Variants in ARMH3 observed in about 807,000 individuals in gnomAD.
ARMH3 encodes the protein armadillo-like helical domain-containing protein 3.
ARMH3 carries 60 observed loss-of-function variants against 99.1 expected under a neutral mutation model. The ratio of observed to expected loss-of-function variants is 0.61; its 90% CI spans 0.49 to 0.75. The LOEUF (loss-of-function observed/expected upper bound fraction) is 0.75. ARMH3 is among the 30% of genes least tolerant of loss of function. ARMH3 has a pLI of 0.00. For synonymous variants in ARMH3, 285 were observed against 292.8 expected, an observed-to-expected ratio of 0.97 and a Z score of 0.27; for missense variants, 679 against 843.1, an observed-to-expected ratio of 0.81 and a Z score of 2.41.
intron 20 of ARMH3, among the ~76,000 whole-genome samples, chr10:101,972,706 T>C (rs1845822412): frequency 6.6e-6 from 1 of 152,194 alleles, no homozygotes; most frequent in Non-Finnish European, 1.5e-5. Flanking sequence ...ATGTTCCACA[T>C]ATGAATACAC....
At chr10:101,964,434 T>C (rs1321136442) in intron 20 of ARMH3, among the ~76,000 whole-genome samples, 1 of 152,162 alleles carries the variant, frequency 6.6e-6, no homozygotes, top group African/African-American at 2.4e-5. Flanking sequence ...TACACCCATG[T>C]TTACAGCAGC....
At chr10:101,887,151 G>A (rs142372949) in intron 24 of ARMH3, among the ~76,000 whole-genome samples, 1 of 152,310 alleles carries the variant, frequency 6.6e-6, no homozygotes, top group Non-Finnish European at 1.5e-5. Flanking sequence ...CAAGTGTACT[G>A]TAATGCTGTC....
intron 24 of ARMH3, among the ~76,000 whole-genome samples, chr10:101,862,745 AAAAG>A (rs1009446881): frequency 4.6e-5 from 7 of 152,194 alleles, no homozygotes; most frequent in Non-Finnish European, 1.0e-4. Flanking sequence ...AGAGGGCAGA[AAAAG>A]AAAAAGAACA....
intron 24 of ARMH3, among the ~76,000 whole-genome samples, chr10:101,865,602 C>A (rs993617997): frequency 2.0e-5 from 3 of 152,092 alleles, no homozygotes; most frequent in Non-Finnish European, 4.4e-5. Flanking sequence ...GATTCTCCTG[C>A]CTCAGCCTCC....
chr10:101,983,172 G>A (rs1273551404), intron 19 of ARMH3, among the ~76,000 whole-genome samples: 2 of 152,210 alleles, frequency 1.3e-5, no homozygotes, highest in Admixed American at 1.3e-4. Context: ...TGGTCACCAG[G>A]GAGACCAAGG....
rs370067314 is a variant in ARMH3, at chr10:101,849,793, C to T, written c.1960G>A (p.Ala654Thr). The change falls in exon 25 of 26, where the codon GCC becomes ACC. Residue 654 changes from alanine (A) to threonine (T), a missense_variant. Ala to Thr is a moderately conservative substitution (Grantham distance 58). Coordinates refer to ENST00000370033, the MANE Select transcript of ARMH3 (RefSeq NM_024541.3). ...ERYSEQHKEA[A>T]FFKELVRSIS... The stretch of plus-strand genomic sequence containing the variant: ...GCACTCACCAGCTCTTTGAAGAAGG[C>T]AGCTTCCTTGTGCTGCTCTGAGTAG... 2.7e-5 allele frequency: 44 copies of T among 1,614,072 alleles called. 1 individual carries two copies. In the South Asian group the frequency reaches 3.7e-4, roughly 14 times the overall value.
At chr10:101,959,547 G>A (rs1845187041) in intron 20 of ARMH3, among the ~76,000 whole-genome samples, 1 of 152,230 alleles carries the variant, frequency 6.6e-6, no homozygotes, top group African/African-American at 2.4e-5. Context: ...CTCAGCAGTG[G>A]CTATGTGGTA....
intron 14 of ARMH3, among the ~76,000 whole-genome samples, chr10:102,005,464 T>C (rs2066461981): frequency 6.6e-6 from 1 of 150,660 alleles, no homozygotes; most frequent in Admixed American, 6.6e-5. Flanking sequence ...TATATATAAC[T>C]AACAATGGCA....
chr10:101,976,383 ATC>A (rs542700143), intron 19 of ARMH3, among the ~76,000 whole-genome samples: 367 of 131,252 alleles, frequency 2.8e-3, no homozygotes, highest in African/African-American at 4.7e-3. Flanking sequence ...AGATTAATCA[ATC>A]TCTCTCTCTC....
At chr10:102,013,045 T>C (rs913768654) in intron 9 of ARMH3, among the ~76,000 whole-genome samples, 169 bp from the exon 10 acceptor site, 2 of 152,194 alleles carry the variant, frequency 1.3e-5, no homozygotes, top group Non-Finnish European at 2.9e-5. Flanking sequence ...CAAAAGGAAG[T>C]TCTTTGGGAA....
chr10:101,889,803 T>A (rs754470899), intron 23 of ARMH3: 21 of 277,408 alleles, frequency 7.6e-5, no homozygotes, highest in Admixed American at 5.3e-4. Flanking sequence ...CAGAGGGCTG[T>A]CCACTAGGGG....
At chr10:101,951,406 C>CA (rs1200766396) in intron 22 of ARMH3, among the ~76,000 whole-genome samples, 7 of 151,808 alleles carry the variant, frequency 4.6e-5, no homozygotes, top group Admixed American at 1.3e-4. Context: ...CTCATCTATA[C>CA]AAAAAAACAA....
At chr10:101,882,563 G>A (rs546546341) in intron 24 of ARMH3, among the ~76,000 whole-genome samples, 12 of 152,254 alleles carry the variant, frequency 7.9e-5, no homozygotes, top group South Asian at 4.2e-4. Context: ...GCAGTGGCAC[G>A]ATCTCGGCTC....
At chr10:101,914,545 T>G (rs1842997464) in intron 23 of ARMH3, among the ~76,000 whole-genome samples, 1 of 151,248 alleles carries the variant, frequency 6.6e-6, no homozygotes. Flanking sequence ...CTCACAGCAT[T>G]TTATTATCAC....
At chr10:102,039,110 T>C (rs975807567) in intron 2 of ARMH3, among the ~76,000 whole-genome samples, 10 of 152,136 alleles carry the variant, frequency 6.6e-5, no homozygotes, top group Admixed American at 2.6e-4. Context: ...AGAAGGCAAG[T>C]ACCCCTGCAG....
chr10:101,929,693 A>T (rs953334405), intron 23 of ARMH3, among the ~76,000 whole-genome samples: 3 of 152,234 alleles, frequency 2.0e-5, no homozygotes, highest in Non-Finnish European at 2.9e-5. Flanking sequence ...AACGCAAAAA[A>T]TAGTGAAAAA....
chr10:101,982,127 T>C (rs1846263549), intron 19 of ARMH3, among the ~76,000 whole-genome samples: 1 of 149,176 alleles, frequency 6.7e-6, no homozygotes, highest in African/African-American at 2.5e-5. Flanking sequence ...ACACCTGTAA[T>C]CCCAGCACTT....
intron 1 of ARMH3, among the ~76,000 whole-genome samples, chr10:102,049,401 G>A (rs1011526327): frequency 3.3e-5 from 5 of 151,946 alleles, no homozygotes; most frequent in South Asian, 2.1e-4. Flanking sequence ...AATTAGCCAC[G>A]CATCGTGGCA....
chr10:101,878,953 G>C (rs759916168), intron 24 of ARMH3, among the ~76,000 whole-genome samples: 2 of 152,146 alleles, frequency 1.3e-5, no homozygotes, highest in Non-Finnish European at 2.9e-5. Flanking sequence ...CATTTATAAA[G>C]TTACCATACT....
Sources: gnomAD v4.1 joint callset for allele counts (sites outside exome capture counted in the v4.1 genomes callset) on GRCh38, gnomAD v4.1.1 for gene constraint, MANE v1.5 for transcripts, NCBI Gene and HGNC (gene_info 2026-07-23, HGNC 2026-07-21) for gene names.